CTNNA3: variants seen among roughly 807,000 people sequenced by gnomAD.
CTNNA3 encodes catenin alpha-3.
A neutral mutation model predicts 95.7 loss-of-function variants in CTNNA3; 76 were observed. The ratio of observed to expected loss-of-function variants is 0.79; its 90% CI spans 0.66 to 0.96. The LOEUF (loss-of-function observed/expected upper bound fraction) is 0.96. Ranked by LOEUF, CTNNA3 falls within the 40% of genes least tolerant of loss-of-function variation. The pLI is 0.00. For missense variants in CTNNA3, 1,191 were observed against 1,089.8 expected, an observed-to-expected ratio of 1.09 and a Z score of -1.31; for synonymous variants, 431 against 374.4, an observed-to-expected ratio of 1.15 and a Z score of -1.74.
intron 1 of CTNNA3, among the ~76,000 whole-genome samples, chr10:67,710,362 C>T (rs753256058): frequency 5.3e-5 from 8 of 152,174 alleles, no homozygotes; most frequent in Non-Finnish European, 1.0e-4. Flanking sequence ...AGACCATATC[C>T]TATAGTGAAG....
intron 15 of CTNNA3, among the ~76,000 whole-genome samples, chr10:66,064,250 C>A (rs999887619): frequency 6.6e-6 from 1 of 152,120 alleles, no homozygotes; most frequent in Admixed American, 6.6e-5. Context: ...ATGGGGGAAA[C>A]TGACGCCATG....
chr10:66,197,336 C>A (rs1424021343), intron 13 of CTNNA3, among the ~76,000 whole-genome samples: 2 of 148,052 alleles, frequency 1.4e-5, no homozygotes, highest in East Asian at 4.1e-4. Context: ...CAATCCAAAT[C>A]TCTATCTATC....
chr10:66,533,320 C>T (rs2659998), intron 10 of CTNNA3, among the ~76,000 whole-genome samples: 46,421 of 151,944 alleles, frequency 0.31, 9,026 homozygotes, highest in Non-Finnish European at 0.42. Flanking sequence ...TATTTTCTCA[C>T]GAAAACTTTA....
intron 13 of CTNNA3, among the ~76,000 whole-genome samples, chr10:66,239,469 G>T (rs1222476302): frequency 6.6e-6 from 1 of 151,742 alleles, no homozygotes; most frequent in Admixed American, 6.6e-5. Context: ...ATTGTCTTTC[G>T]ATAGCCTCTT....
intron 7 of CTNNA3, among the ~76,000 whole-genome samples, chr10:67,007,106 A>C (rs1852039531): frequency 6.6e-6 from 1 of 152,072 alleles, no homozygotes; most frequent in South Asian, 2.1e-4. Flanking sequence ...TACAGTCTTA[A>C]AAATTATGTA....
chr10:66,216,469 C>T (rs2131965524), intron 13 of CTNNA3, among the ~76,000 whole-genome samples: 1 of 152,274 alleles, frequency 6.6e-6, no homozygotes, highest in African/African-American at 2.4e-5. Context: ...GCCTCTTAGC[C>T]TCCTTAGACT....
chr10:67,244,252 A>G (rs1444855931), intron 5 of CTNNA3, among the ~76,000 whole-genome samples: 2 of 152,214 alleles, frequency 1.3e-5, no homozygotes, highest in South Asian at 2.1e-4. Flanking sequence ...TTAATCACTT[A>G]TAAGAAGGTG....
At chr10:67,620,220 C>T (rs12262819) in intron 2 of CTNNA3, among the ~76,000 whole-genome samples, 18,468 of 152,176 alleles carry the variant, frequency 0.12, 1,261 homozygotes, top group Non-Finnish European at 0.16. Flanking sequence ...TACAAAAGAA[C>T]GCCCCACAAA....
intron 12 of CTNNA3, among the ~76,000 whole-genome samples, chr10:66,291,277 A>G (rs571322260): frequency 6.6e-6 from 1 of 152,280 alleles, no homozygotes; most frequent in Admixed American, 6.5e-5. Context: ...TTGCTCGGTA[A>G]ACTTTATTAT....
intron 15 of CTNNA3, among the ~76,000 whole-genome samples, chr10:66,035,226 C>T (rs1236543486): frequency 1.3e-5 from 2 of 152,036 alleles, no homozygotes; most frequent in South Asian, 4.1e-4. Flanking sequence ...GAGTGCATTT[C>T]TGAGGAGTTT....
intron 5 of CTNNA3, among the ~76,000 whole-genome samples, chr10:67,381,034 G>C (rs1448501233): frequency 6.6e-6 from 1 of 152,124 alleles, no homozygotes; most frequent in East Asian, 1.9e-4. Flanking sequence ...CTGTCTCTCT[G>C]CTGATTGAGT....
chr10:66,435,674 C>T (rs1297855969), intron 11 of CTNNA3, among the ~76,000 whole-genome samples: 1 of 152,226 alleles, frequency 6.6e-6, no homozygotes, highest in East Asian at 1.9e-4. Flanking sequence ...GTGTCTCTAT[C>T]TCCTTCAGTT....
At chr10:67,740,692 C>T (rs1320161792) in intron 1 of CTNNA3, among the ~76,000 whole-genome samples, 2 of 151,278 alleles carry the variant, frequency 1.3e-5, no homozygotes, top group Non-Finnish European at 3.0e-5. Flanking sequence ...GAAATAGGAA[C>T]ACTTTTACAC....
intron 3 of CTNNA3, among the ~76,000 whole-genome samples, chr10:67,544,881 A>C (rs1168534386): frequency 6.6e-6 from 1 of 152,214 alleles, no homozygotes; most frequent in Non-Finnish European, 1.5e-5. Context: ...CAAGACCAGC[A>C]GCATTCATGC....
chr10:66,607,207 A>G lies in CTNNA3; in HGVS notation c.1374+14485T>C, dbSNP rs181273431. On this transcript the variant is annotated intron_variant, in intron 10 of 17. Coordinates refer to ENST00000433211, the MANE Select transcript of CTNNA3 (RefSeq NM_013266.4). Reference sequence around the variant, plus strand: ...GATGTGGATAAATTCCTGGACACAGACACCCTGCCAAGACAGAGCCACGAA... The same window carrying G: ...GATGTGGATAAATTCCTGGACACAGGCACCCTGCCAAGACAGAGCCACGAA... Among the ~76,000 whole-genome samples the G allele has an allele frequency of 4.8e-3, 732 of 152,178 alleles. 8 individuals carry two copies. Among genetic ancestry groups the G allele is most frequent in the African/African-American group, 0.017 (694 of 41,534 alleles).
At position 66,994,839 on chromosome 10, in the gene CTNNA3, G is replaced by A. The variant is rs76359108; in HGVS notation, c.1047+185478C>T. 0.023 allele frequency among the ~76,000 whole-genome samples: 3,535 copies of A among 152,168 alleles called. 288 individuals carry two copies. The East Asian group carries it at 0.29, about 13-fold the overall frequency. ...AGTCCTTTGAGAATTTCTATACATT[G>A]TACAAGTTATTTAAAATCTGCCAAA... is the stretch of plus-strand genomic sequence containing the variant. On this transcript the variant is annotated intron_variant, in intron 7 of 17. Transcript: ENST00000433211.
intron 12 of CTNNA3, among the ~76,000 whole-genome samples, chr10:66,361,432 CTTTT>C (rs1189109736): frequency 4.4e-4 from 65 of 147,484 alleles, no homozygotes; most frequent in Non-Finnish European, 2.2e-4. Flanking sequence ...TTCCTTCTTT[CTTTT>C]CTTTTCTTTC....
intron 5 of CTNNA3, among the ~76,000 whole-genome samples, chr10:67,233,255 T>G (rs10762154): frequency 0.27 from 38,915 of 145,684 alleles, 5,192 homozygotes; most frequent in African/African-American, 0.52. Context: ...GACCACATAC[T>G]TGGAAGTAAA....
intron 11 of CTNNA3, among the ~76,000 whole-genome samples, chr10:66,438,086 G>T (rs2093350455): frequency 6.6e-6 from 1 of 152,026 alleles, no homozygotes; most frequent in Non-Finnish European, 1.5e-5. Context: ...TTCCAGAGGG[G>T]CACCTGCCAG....
Sources: allele counts gnomAD v4.1 joint callset (sites outside exome capture counted in the v4.1 genomes callset), GRCh38; gene constraint gnomAD v4.1.1; transcripts MANE v1.5; gene names NCBI Gene and HGNC (gene_info 2026-07-23, HGNC 2026-07-21).